The following ABCB7 variants were observed in gnomAD, a reference collection of about 807,000 sequenced individuals.
ABCB7 encodes the protein iron-sulfur clusters transporter ABCB7, mitochondrial.
In ABCB7, 7 loss-of-function variants were observed where a neutral mutation model predicts 54.4. The observed-to-expected ratio is 0.13, with a 90% CI of 0.07 to 0.24. ABCB7 has a LOEUF of 0.24. Among genes scored for constraint, ABCB7 ranks in the 10% least tolerant of loss-of-function variants. ABCB7 has a pLI of 1.00. For synonymous variants in ABCB7, 218 were observed against 207.1 expected (o/e 1.05, Z -0.45); for missense variants, 356 against 570.4 (o/e 0.62, Z 3.83).
At chrX:75,114,954 T>C (rs1476303989) in intron 1 of ABCB7, 123 bp from the exon 2 acceptor site, 4 of 598,466 alleles carry the variant, frequency 6.7e-6, no homozygotes, top group South Asian at 2.6e-5. Flanking sequence ...GAGATGATTA[T>C]GCTTTTAACG....
intron 1 of ABCB7, among the ~76,000 whole-genome samples, chrX:75,119,475 T>C (rs1426078068): frequency 8.9e-6 from 1 of 112,434 alleles, no homozygotes; most frequent in Admixed American, 9.4e-5. Context: ...TATCTACTGT[T>C]TAACAAAAAT....
intron 1 of ABCB7, among the ~76,000 whole-genome samples, chrX:75,118,855 C>T (rs2081847793): frequency 9.0e-6 from 1 of 111,284 alleles, no homozygotes; most frequent in Non-Finnish European, 1.9e-5. Flanking sequence ...GAGCTGATTC[C>T]CTCTTTTTGG....
Position 75,073,785 on chromosome X carries a change from C to A in ABCB7, c.945-9G>T. On this transcript the variant is annotated splice_polypyrimidine_tract_variant and intron_variant, in intron 7 of 15. Coordinates refer to ENST00000373394, the MANE Select transcript of ABCB7 (RefSeq NM_001271696.3). ...CTATTCTAAATCTAGTTCTGTAAGA[C>A]AAAGATTTGCATAGGCATGAAATAC... 1 of 1,187,790 alleles carries A rather than the reference C, an allele frequency of 8.4e-7. No individual in the cohort carries two copies. Among genetic ancestry groups the A allele is most frequent in the South Asian group, 1.8e-5 (1 of 56,406 alleles).
intron 1 of ABCB7, among the ~76,000 whole-genome samples, chrX:75,123,876 C>A (rs1029120828): frequency 4.5e-5 from 5 of 111,942 alleles, no homozygotes; most frequent in African/African-American, 1.6e-4. Flanking sequence ...GTCATTGTAG[C>A]ATGAAAGCAA....
intron 6 of ABCB7, 33 bp downstream of exon 6, chrX:75,075,329 A>G: frequency 1.7e-6 from 2 of 1,195,109 alleles, no homozygotes; most frequent in Non-Finnish European, 2.3e-6. Flanking sequence ...AGAATTTAAG[A>G]TAAAAGCTTG....
chrX:75,105,872 A>G (rs1324080772), intron 3 of ABCB7, among the ~76,000 whole-genome samples: 1 of 111,972 alleles, frequency 8.9e-6, no homozygotes, highest in African/African-American at 3.2e-5. Flanking sequence ...AAAGTTGACA[A>G]AAGTATATAC....
At chrX:75,093,780 A>ATAC (rs386417113) in intron 4 of ABCB7, among the ~76,000 whole-genome samples, 2 of 107,434 alleles carry the variant, frequency 1.9e-5, no homozygotes, top group Non-Finnish European at 3.8e-5. Flanking sequence ...AATAATAATA[A>ATAC]TACCAGGGTA....
intron 8 of ABCB7, among the ~76,000 whole-genome samples, chrX:75,072,531 C>G (rs1379714111): frequency 3.6e-5 from 4 of 111,141 alleles, no homozygotes; most frequent in African/African-American, 1.3e-4. Flanking sequence ...ATTTGTGTAT[C>G]TAAACACAGA....
At chrX:75,131,629 C>G (rs1441366165) in intron 1 of ABCB7, among the ~76,000 whole-genome samples, 4 of 111,583 alleles carry the variant, frequency 3.6e-5, no homozygotes, top group African/African-American at 9.8e-5. Context: ...ATTTTTGCTG[C>G]TGCTACAGCT....
intron 1 of ABCB7, among the ~76,000 whole-genome samples, chrX:75,134,624 C>A (rs1176025173): frequency 2.7e-5 from 3 of 111,929 alleles, no homozygotes; most frequent in Non-Finnish European, 5.6e-5. Context: ...GTACCAACCA[C>A]ACTCTCAGAC....
rs1482660892 is a variant in ABCB7, at chrX:75,148,795, G to A, written c.168+7310C>T. Among the ~76,000 whole-genome samples, 3 of 111,287 alleles carry A rather than the reference G, an allele frequency of 2.7e-5. No homozygotes were observed. The East Asian group carries it at 8.5e-4, about 32-fold the overall frequency. ...CTGACACCTTCATCTTGGACTTCAT[G>A]GGTTCCAGAACTGTGAGAAAATACA... is the stretch of plus-strand genomic sequence containing the variant. On this transcript the variant is annotated intron_variant, in intron 1 of 15. Transcript: ENST00000373394.
At position 75,070,520 on chromosome X, in the gene ABCB7, T is replaced by C; in HGVS notation, c.1210A>G (p.Thr404Ala). ...ATTACTAGATCTCCAACAGTAAGGG[T>C]ACCTTAAAAGGCAGAAGAAAAAAAG... Reference protein sequence around the residue: ...VLASQGIVAGTLTVGDLVMVN... With the variant: ...VLASQGIVAGALTVGDLVMVN... The change falls in exon 10 of 16, where the codon ACC becomes GCC. Residue 404 changes from threonine (T) to alanine (A), a missense_variant and splice_region_variant. Thr to Ala is a moderately conservative substitution (Grantham distance 58, BLOSUM62 0). Coordinates refer to ENST00000373394, the MANE Select transcript of ABCB7 (RefSeq NM_001271696.3). The C allele has an allele frequency of 8.3e-7, 1 of 1,208,768 alleles. No individual in the cohort carries two copies. The highest frequency in any genetic ancestry group is 1.1e-6 in the Non-Finnish European group (1 of 893,615).
intron 3 of ABCB7, among the ~76,000 whole-genome samples, chrX:75,111,485 AAGTACAC>A (rs1384330606): frequency 8.9e-6 from 1 of 111,809 alleles, no homozygotes; most frequent in Non-Finnish European, 1.9e-5. Flanking sequence ...GAAGAAACTG[AAGTACAC>A]AGAGATTAAG....
At chrX:75,152,721 G>A (rs1311606944) in intron 1 of ABCB7, among the ~76,000 whole-genome samples, 2 of 108,089 alleles carry the variant, frequency 1.9e-5, no homozygotes, top group African/African-American at 3.4e-5. Flanking sequence ...GTACAGTGGC[G>A]CGATCTCGGC....
intron 12 of ABCB7, 99 bp from the exon 13 acceptor site, chrX:75,065,340 T>C: frequency 2.4e-6 from 2 of 819,399 alleles, no homozygotes; most frequent in Non-Finnish European, 3.5e-6. Context: ...GACAAAGGCA[T>C]AAAGGGTAAA....
At chrX:75,150,485 C>T (rs1370690284) in intron 1 of ABCB7, among the ~76,000 whole-genome samples, 1 of 109,550 alleles carries the variant, frequency 9.1e-6, no homozygotes, top group African/African-American at 3.3e-5. Flanking sequence ...GACTGAGCAC[C>T]AAGAAAAAAA....
rs2081663315 is a variant in ABCB7 at position 75,104,046 on chromosome X, A to AGTTTTTTTT, written c.334-4994_334-4986dup. The stretch of plus-strand genomic sequence containing the variant: ...AAAATGGGCATCCCTGTCTTGTTAC[A>AGTTTTTTTT]GTTTTTTTTTTTTTTTTTTTTTTTT... On this transcript the variant is annotated intron_variant, in intron 3 of 15. Transcript: ENST00000373394. Among the ~76,000 whole-genome samples, 3 of 13,543 alleles carry AGTTTTTTTT rather than the reference A, an allele frequency of 2.2e-4. 1 individual carries two copies. Among genetic ancestry groups the AGTTTTTTTT allele is most frequent in the Non-Finnish European group, 4.3e-4 (3 of 7,050 alleles). The allele number at this position is 13,543 out of a possible 115,157, so 11.8% of individuals were successfully genotyped here.
chrX:75,075,836 T>C (rs966482450), intron 5 of ABCB7, among the ~76,000 whole-genome samples: 1 of 112,128 alleles, frequency 8.9e-6, no homozygotes, highest in African/African-American at 3.2e-5. Context: ...TTCAGTGTTA[T>C]TTCCTCCAGG....
chrX:75,125,870 C>CA (rs1478833153), intron 1 of ABCB7, among the ~76,000 whole-genome samples: 1 of 107,365 alleles, frequency 9.3e-6, no homozygotes, highest in African/African-American at 3.4e-5. Context: ...GATACACACA[C>CA]AAAAAATGCC....
Sources: gnomAD v4.1 joint callset for allele counts (sites outside exome capture counted in the v4.1 genomes callset) on GRCh38, gnomAD v4.1.1 for gene constraint, MANE v1.5 for transcripts, NCBI Gene and HGNC (gene_info 2026-07-23, HGNC 2026-07-21) for gene names.